SON: variants seen among roughly 807,000 people sequenced by gnomAD.
The protein encoded by SON is protein SON.
SON carries 4 observed loss-of-function variants against 173.3 expected under a neutral mutation model. That is an observed-to-expected ratio of 0.02 (90% CI 0.01 to 0.05). SON has a LOEUF of 0.05. Ranked by LOEUF, SON falls within the 10% of genes least tolerant of loss-of-function variation. The pLI is 1.00. For synonymous variants in SON, 1,190 were observed against 1,105.9 expected (o/e 1.08, Z -1.51); for missense variants, 2,626 against 3,055.3 (o/e 0.86, Z 3.31).
At chr21:33,549,060 C>T (rs967839560) in intron 2 of SON, among the ~76,000 whole-genome samples, 1 of 149,620 alleles carries the variant, frequency 6.7e-6, no homozygotes, top group African/African-American at 2.5e-5. Context: ...TTTAATTTAA[C>T]GTGAGGTGTT....
rs2085941268 is a variant in SON, at chr21:33,555,208, C to T, written c.5977C>T (p.Arg1993Cys). The T allele has an allele frequency of 1.9e-6, 3 of 1,596,176 alleles. No individual in the cohort carries two copies. Among genetic ancestry groups the T allele is most frequent in the East Asian group, 2.3e-5 (1 of 43,048 alleles). Reference protein sequence around the residue: ...RRSRTPSRRSRTPSRRRRSRS... With the variant: ...RRSRTPSRRSCTPSRRRRSRS... ...GAGCCGCACCCCTAGCCGTCGGAGC[C>T]GCACCCCAAGCCGCCGGAGAAGATC... The change falls in exon 3 of 12, where the codon CGC (arginine) becomes TGC (cysteine). Residue 1993 changes from arginine to cysteine, a missense_variant. Transcript: ENST00000356577.
rs760384951 is a variant in SON at position 33,550,529 on chromosome 21, C to T, written c.1298C>T (p.Thr433Ile). ...PVPELPGPPA[T>I]AVPELPGPSV... ...CCTGAGTTGCCAGGGCCCCCTGCGA[C>T]AGCAGTGCCTGAGTTGCCAGGGCCC... Residue 433 changes from threonine to isoleucine, a missense_variant, in exon 3 of 12, where the codon ACA (threonine) becomes ATA (isoleucine). Thr to Ile is a moderately conservative substitution (Grantham distance 89). This residue lies in a region of SON where 757 missense variants were observed against 730.1 expected (regional missense o/e 1.04). Transcript: ENST00000356577. 24 of 1,613,762 alleles carry T rather than the reference C, an allele frequency of 1.5e-5. No individual in the cohort carries two copies. The highest frequency in any genetic ancestry group is 1.2e-4 in the Admixed American group (7 of 59,998).
chr21:33,553,831 C>T lies in SON; in HGVS notation c.4600C>T (p.Leu1534Phe), dbSNP rs773970061. The T allele has an allele frequency of 1.2e-6, 2 of 1,613,796 alleles. No individual in the cohort carries two copies. Among genetic ancestry groups the T allele is most frequent in the Non-Finnish European group, 1.7e-6 (2 of 1,179,812 alleles). Reference sequence around the variant, plus strand: ...AAGTGAACATGGTATAAATATAGACCTTAATATAAATAATCATTTAATTGC... The same window carrying T: ...AAGTGAACATGGTATAAATATAGACTTTAATATAAATAATCATTTAATTGC... Reference protein sequence around the residue: ...YESEHGINIDLNINNHLIAKE... With the variant: ...YESEHGINIDFNINNHLIAKE... Residue 1534 changes from leucine (L) to phenylalanine (F), a missense_variant, in exon 3 of 12, where the codon CTT (leucine) becomes TTT (phenylalanine). By Grantham distance (22) the Leu-to-Phe change is conservative (BLOSUM62 0). Around this residue, in one of 13 missense-constraint regions of SON, gnomAD observed 1,006 missense variants for 895.6 expected, o/e 1.12. Coordinates refer to ENST00000356577, the MANE Select transcript of SON (RefSeq NM_138927.4).
Position 33,550,351 on chromosome 21 carries a change from G to C in SON, c.1120G>C (p.Glu374Gln), listed in dbSNP as rs1318193130. The C allele has an allele frequency of 6.2e-7, 1 of 1,614,142 alleles. No individual in the cohort carries two copies. Among genetic ancestry groups the C allele is most frequent in the Non-Finnish European group, 8.5e-7 (1 of 1,180,040 alleles). ...LPKTTALELQ[E>Q]SSVASAMELP... The stretch of plus-strand genomic sequence containing the variant: ...TAAGACCACAGCGTTGGAGCTGCAG[G>C]AGTCGTCGGTGGCCTCAGCGATGGA... The change falls in exon 3 of 12, where the codon GAG becomes CAG. Residue 374 changes from glutamate to glutamine, a missense_variant. Coordinates refer to ENST00000356577, the MANE Select transcript of SON (RefSeq NM_138927.4).
At chr21:33,557,907 G>T in intron 4 of SON, 1 of 217,148 alleles carries the variant, frequency 4.6e-6, no homozygotes, top group Non-Finnish European at 9.1e-6. Context: ...ACTTATTTTT[G>T]TTTTTAAAAG....
At position 33,553,724 on chromosome 21, in the gene SON, C is replaced by A. The variant is rs529048238; in HGVS notation, c.4493C>A (p.Pro1498Gln). Residue 1498 changes from proline to glutamine, a missense_variant, in exon 3 of 12, where the codon CCA becomes CAA. Transcript: ENST00000356577. ...TCCTCTGGTGATCAAAATCTTGCTCCAGAGATTGGCATGCAGGAGATTGCA... is the reference window on the plus strand; with the variant it reads ...TCCTCTGGTGATCAAAATCTTGCTCAAGAGATTGGCATGCAGGAGATTGCA... ...NLSSGDQNLA[P>Q]EIGMQEIALH... 3 of 1,613,970 alleles carry A rather than the reference C, an allele frequency of 1.9e-6. No individual in the cohort carries two copies. The highest frequency in any genetic ancestry group is 2.5e-6 in the Non-Finnish European group (3 of 1,179,992).
intron 3 of SON, among the ~76,000 whole-genome samples, chr21:33,556,478 C>T (rs1382602527): frequency 6.6e-6 from 1 of 151,922 alleles, no homozygotes; most frequent in African/African-American, 2.4e-5. Flanking sequence ...TTTGGGAGGC[C>T]GAGGCAGGTG....
chr21:33,568,960 CTT>C lies in SON; in HGVS notation c.6769-8_6769-7del, dbSNP rs778905141. The C allele has an allele frequency of 1.3e-6, 2 of 1,553,420 alleles. No homozygotes were observed. The highest frequency in any genetic ancestry group is 1.8e-6 in the Non-Finnish European group (2 of 1,129,880). ...TTTACTTAGTTAACTGAGACTACTT[CTT>C]TTCTTCAGATTGATGCCTGGGCTCA... On this transcript the variant is annotated splice_polypyrimidine_tract_variant and intron_variant, in intron 7 of 11. Coordinates refer to ENST00000356577, the MANE Select transcript of SON (RefSeq NM_138927.4).
chr21:33,558,873 T>TA (rs1270814053), intron 4 of SON: 1 of 160,508 alleles, frequency 6.2e-6, no homozygotes, highest in Non-Finnish European at 1.4e-5. Flanking sequence ...TGTTGCTCTG[T>TA]AAAAGTGTTC....
Position 33,573,415 on chromosome 21 carries a change from T to C in SON, c.6993T>C (p.Asn2331=), listed in dbSNP as rs3174808. The C allele has an allele frequency of 0.32, 510,551 of 1,612,434 alleles. 81,705 individuals are homozygous for C. Among genetic ancestry groups the C allele is most frequent in the Middle Eastern group, 0.41 (2,492 of 6,034 alleles). ...GEGLGKNKEG[N]KEPILVDFKT... ...GATTAGGAAAAAACAAAGAAGGCAA[T>C]AAGGAACCCATCCTAGTTGATTTTA... The change falls in exon 9 of 12, where the codon AAT becomes AAC. Residue 2331 remains asparagine, a synonymous_variant. Transcript: ENST00000356577.
intron 8 of SON, among the ~76,000 whole-genome samples, chr21:33,570,867 G>A (rs1284874148): frequency 1.3e-5 from 2 of 152,138 alleles, no homozygotes; most frequent in East Asian, 3.8e-4. Flanking sequence ...ATCTAATGAT[G>A]TGCTGATCCA....
At position 33,575,641 on chromosome 21, in the gene SON, T is replaced by A. The variant is rs2086383269; in HGVS notation, c.7079T>A (p.Phe2360Tyr). The A allele has an allele frequency of 6.2e-7, 1 of 1,613,226 alleles. No homozygotes were observed. The highest frequency in any genetic ancestry group is 8.5e-7 in the Non-Finnish European group (1 of 1,179,662). Residue 2360 changes from phenylalanine (F) to tyrosine (Y), a missense_variant, in exon 10 of 12, where the codon TTC becomes TAC. Physicochemically the swap from Phe to Tyr is conservative, Grantham distance 22 (BLOSUM62 3). Coordinates refer to ENST00000356577, the MANE Select transcript of SON (RefSeq NM_138927.4). ...AGAGCACAAAAGAGGTCTGGGAACTTCTCTGCTGCAATGAAAGATCTGTCA... is the reference window on the plus strand; with the variant it reads ...AGAGCACAAAAGAGGTCTGGGAACTACTCTGCTGCAATGAAAGATCTGTCA... ...GERAQKRSGN[F>Y]SAAMKDLSGK...
chr21:33,547,871 C>T (rs1406548437), intron 2 of SON, among the ~76,000 whole-genome samples: 5 of 135,684 alleles, frequency 3.7e-5, no homozygotes, highest in Non-Finnish European at 6.3e-5. Context: ...CACACCACCA[C>T]GCCCGGCTAA....
intron 7 of SON, chr21:33,567,492 G>A (rs2086197542): frequency 6.0e-6 from 3 of 498,174 alleles, no homozygotes; most frequent in Non-Finnish European, 1.1e-5. Flanking sequence ...TTTCTTGAGA[G>A]AACAAAATAG....
chr21:33,561,246 C>A (rs775851250), intron 6 of SON, among the ~76,000 whole-genome samples: 1 of 152,094 alleles, frequency 6.6e-6, no homozygotes, highest in South Asian at 2.1e-4. Context: ...TTAGTGAGAC[C>A]ATTTGAGTTG....
At position 33,550,402 on chromosome 21, in the gene SON, A is replaced by G. The variant is rs376376408; in HGVS notation, c.1171A>G (p.Met391Val). Residue 391 changes from methionine to valine, a missense_variant, in exon 3 of 12, where the codon ATG becomes GTG. Transcript: ENST00000356577. ...GTTGCCGGGGCCACCTGCGACCTCC[A>G]TGCCGGAGTTGCAGGGGCCCCCTGT... Reference protein sequence around the residue: ...MELPGPPATSMPELQGPPVTP... With the variant: ...MELPGPPATSVPELQGPPVTP... The G allele has an allele frequency of 8.3e-5, 134 of 1,613,372 alleles. 1 individual carries two copies. The African/African-American group carries it at 1.5e-3, about 18-fold the overall frequency.
intron 6 of SON, chr21:33,560,441 A>G (rs896387261): frequency 1.5e-5 from 16 of 1,079,694 alleles, no homozygotes; most frequent in Non-Finnish European, 1.8e-5. Context: ...GTGGAATTCA[A>G]ACGTTGAAAT....
intron 3 of SON, among the ~76,000 whole-genome samples, chr21:33,556,587 G>T (rs1002549792): frequency 2.6e-4 from 39 of 152,010 alleles, no homozygotes; most frequent in African/African-American, 8.9e-4. Context: ...GGTGGCACGC[G>T]CCTGTAGTCC....
chr21:33,550,453 C>T lies in SON; in HGVS notation c.1222C>T (p.Pro408Ser). ...GACTCCAGTGCTGGAGTTACCTGGGCCCTCTGCTACCCCGGTGCCAGAGTT... is the reference window on the plus strand; with the variant it reads ...GACTCCAGTGCTGGAGTTACCTGGGTCCTCTGCTACCCCGGTGCCAGAGTT... ...PVTPVLELPGPSATPVPELPG... is the reference protein window; with the variant it reads ...PVTPVLELPGSSATPVPELPG... Residue 408 changes from proline (P) to serine (S), a missense_variant, in exon 3 of 12, where the codon CCC (proline) becomes TCC (serine). Pro to Ser is a moderately conservative substitution (Grantham distance 74, BLOSUM62 -1). Coordinates refer to ENST00000356577, the MANE Select transcript of SON (RefSeq NM_138927.4). The T allele has an allele frequency of 5.0e-6, 8 of 1,613,804 alleles. No individual in the cohort carries two copies. The highest frequency in any genetic ancestry group is 4.0e-5 in the African/African-American group (3 of 74,996).
Sources: gnomAD v4.1 joint callset for allele counts (sites outside exome capture counted in the v4.1 genomes callset) on GRCh38, gnomAD v4.1.1 for gene constraint, gnomAD v4.1.1 regional missense constraint, MANE v1.5 for transcripts, NCBI Gene and HGNC (gene_info 2026-07-23, HGNC 2026-07-21) for gene names.